ANKS1A: variants seen among roughly 807,000 people sequenced by gnomAD.
ANKS1A encodes the protein ankyrin repeat and SAM domain-containing protein 1A.
In ANKS1A, 55 loss-of-function variants were observed where a neutral mutation model predicts 120.3. The observed-to-expected ratio is 0.46, with a 90% CI of 0.37 to 0.57. The LOEUF is 0.57. Ranked by LOEUF, ANKS1A falls within the 20% of genes least tolerant of loss-of-function variation. ANKS1A has a pLI of 0.00. For missense variants in ANKS1A, 1,123 were observed against 1,480.3 expected (o/e 0.76, Z 3.96); for synonymous variants, 590 against 604.7 (o/e 0.98, Z 0.36).
At chr6:34,917,747 A>G (rs973039610) in intron 1 of ANKS1A, among the ~76,000 whole-genome samples, 3 of 152,206 alleles carry the variant, frequency 2.0e-5, no homozygotes, top group Non-Finnish European at 2.9e-5. Context: ...CCGAAGGCCT[A>G]TGGCCCAGAT....
intron 1 of ANKS1A, among the ~76,000 whole-genome samples, chr6:34,900,298 C>T (rs1389234490): frequency 6.6e-6 from 1 of 152,130 alleles, no homozygotes; most frequent in South Asian, 2.1e-4. Context: ...GAGACTTAAG[C>T]GACCACTTAC....
At chr6:35,039,641 G>A (rs1775356988) in intron 11 of ANKS1A, 1 of 456,626 alleles carries the variant, frequency 2.2e-6, no homozygotes, top group South Asian at 1.5e-5. Flanking sequence ...GTTGAAGTGG[G>A]ACAGCACAGT....
Position 34,982,238 on chromosome 6 carries a change from T to A in ANKS1A, c.732+252T>A, listed in dbSNP as rs1247594624. Among the ~76,000 whole-genome samples, 1 of 152,246 alleles carries A rather than the reference T, an allele frequency of 6.6e-6. No individual in the cohort carries two copies. Among genetic ancestry groups the A allele is most frequent in the Non-Finnish European group, 1.5e-5 (1 of 68,046 alleles). On this transcript the variant is annotated intron_variant, in intron 4 of 23. Coordinates refer to ENST00000360359, the MANE Select transcript of ANKS1A (RefSeq NM_015245.3). This position sits in a 1 kb window ranked among gnomAD's most constrained non-coding sequence, Gnocchi z 4.9. ...ACCCTGAAAAGATGTGCTTATGGAC[T>A]GGCTCTCAAAACCAGAAAAGTTTCA...
intron 13 of ANKS1A, among the ~76,000 whole-genome samples, chr6:35,073,893 C>T (rs995117643): frequency 1.3e-5 from 2 of 152,150 alleles, no homozygotes; most frequent in African/African-American, 4.8e-5. Context: ...TGAGTAGTCA[C>T]CACACAAGCT....
At chr6:35,072,646 A>T (rs1442607939) in intron 13 of ANKS1A, among the ~76,000 whole-genome samples, 1 of 152,172 alleles carries the variant, frequency 6.6e-6, no homozygotes, top group African/African-American at 2.4e-5. Context: ...GCATTTCTGA[A>T]CCCACTCACC....
chr6:34,913,963 G>T (rs1252802380), intron 1 of ANKS1A, among the ~76,000 whole-genome samples: 2 of 151,972 alleles, frequency 1.3e-5, no homozygotes, highest in Non-Finnish European at 2.9e-5. Context: ...TGTTGCCCAG[G>T]CTGGAGTGCA....
At chr6:34,894,641 G>GA (rs1766982395) in intron 1 of ANKS1A, among the ~76,000 whole-genome samples, 1 of 152,018 alleles carries the variant, frequency 6.6e-6, no homozygotes, top group Admixed American at 6.6e-5. Flanking sequence ...GACAGAGCTA[G>GA]ACCACGTCCT....
intron 11 of ANKS1A, among the ~76,000 whole-genome samples, chr6:35,052,860 A>C (rs1776037941): frequency 6.6e-6 from 1 of 152,082 alleles, no homozygotes; most frequent in South Asian, 2.1e-4. Flanking sequence ...ACACACCCTC[A>C]GTTTGCTGCA....
Position 35,050,779 on chromosome 6 carries a change from A to C in ANKS1A, c.2011-3320A>C, listed in dbSNP as rs557400169. ...GTGGGGACCTGCCAATCTCTGCCCA[A>C]ACAGGACCTCTTCGCTGCCATGTCC... On this transcript the variant is annotated intron_variant, in intron 11 of 23. Coordinates refer to ENST00000360359, the MANE Select transcript of ANKS1A (RefSeq NM_015245.3). The surrounding 1 kb of genome is among the most constrained non-coding windows in gnomAD (Gnocchi z 4.3). 6.6e-6 allele frequency among the ~76,000 whole-genome samples: 1 copy of C among 152,246 alleles called. No homozygotes were observed. The highest frequency in any genetic ancestry group is 2.1e-4 in the South Asian group (1 of 4,810).
chr6:35,090,906 G>A lies in ANKS1A; in HGVS notation c.*2297G>A, dbSNP rs1778268942. ...GCTGCTCAGCGCATAAGACCTTCCC[G>A]ACAGGCTCTGCGTGTGCAGCTCTCT... is the stretch of plus-strand genomic sequence containing the variant. On this transcript the variant is annotated 3_prime_UTR_variant, in exon 24 of 24. Transcript: ENST00000360359. The A allele has an allele frequency of 1.0e-6, 1 of 985,622 alleles. No homozygotes were observed. Among genetic ancestry groups the A allele is most frequent in the Non-Finnish European group, 1.2e-6 (1 of 830,062 alleles). 61.1% of individuals were successfully genotyped at this position (985,622 alleles called of 1,614,324 possible). A position where few individuals can be genotyped will look rare whatever the true frequency, so the allele number is the denominator to read the frequency against.
At chr6:34,946,602 G>C (rs76777057) in intron 1 of ANKS1A, among the ~76,000 whole-genome samples, 1 of 147,430 alleles carries the variant, frequency 6.8e-6, no homozygotes, top group Non-Finnish European at 1.5e-5. Context: ...AAAAAAAAAG[G>C]GGGGGTTAAT....
intron 11 of ANKS1A, among the ~76,000 whole-genome samples, chr6:35,032,077 G>A (rs967379639): frequency 2.0e-5 from 3 of 152,176 alleles, no homozygotes; most frequent in Admixed American, 6.5e-5. Context: ...CAGCTTTTGA[G>A]GGACTTAGAC....
the ANKS1A span, among the ~76,000 whole-genome samples, chr6:35,097,876 TA>T: frequency 6.6e-6 from 1 of 152,184 alleles, no homozygotes; most frequent in Non-Finnish European, 1.5e-5. Flanking sequence ...GAAGAGATTT[TA>T]AAAAGCTAAA....
At position 34,946,824 on chromosome 6, in the gene ANKS1A, A is replaced by G. The variant is rs139240146; in HGVS notation, c.198-20415A>G. Among the ~76,000 whole-genome samples the G allele has an allele frequency of 4.8e-3, 724 of 152,290 alleles. 4 individuals carry two copies. Among genetic ancestry groups the G allele is most frequent in the African/African-American group, 0.016 (657 of 41,550 alleles). On this transcript the variant is annotated intron_variant, in intron 1 of 23. Coordinates refer to ENST00000360359, the MANE Select transcript of ANKS1A (RefSeq NM_015245.3). ...CAATACAACTTTTTAGAGTCCATAGACTTTCTAAGGCTTTCATTTTCAACA... is the reference window on the plus strand; with the variant it reads ...CAATACAACTTTTTAGAGTCCATAGGCTTTCTAAGGCTTTCATTTTCAACA...
chr6:34,953,870 G>T (rs1173008274), intron 1 of ANKS1A, among the ~76,000 whole-genome samples: 2 of 152,134 alleles, frequency 1.3e-5, no homozygotes, highest in Non-Finnish European at 2.9e-5. Context: ...AATCAGAATT[G>T]TGGACTCTGG....
In ANKS1A at chr6:35,044,550, G is replaced by C. The variant is rs1168868606; in HGVS notation, c.2011-9549G>C. 1.3e-5 allele frequency among the ~76,000 whole-genome samples: 2 copies of C among 152,156 alleles called. No individual in the cohort carries two copies. The highest frequency in any genetic ancestry group is 4.8e-5 in the African/African-American group (2 of 41,438). Reference sequence around the variant, plus strand: ...CCTCTCCTCACTTTGGTATTGTCTTGGATCCTCCGGTTTGCTTCGCGCCCC... The same window carrying C: ...CCTCTCCTCACTTTGGTATTGTCTTCGATCCTCCGGTTTGCTTCGCGCCCC... On this transcript the variant is annotated intron_variant, in intron 11 of 23. Transcript: ENST00000360359. This position sits in a 1 kb window ranked among gnomAD's most constrained non-coding sequence, Gnocchi z 4.4.
intron 3 of ANKS1A, among the ~76,000 whole-genome samples, chr6:34,974,392 T>G (rs1233669152): frequency 9.3e-6 from 1 of 107,340 alleles, no homozygotes; most frequent in Non-Finnish European, 1.9e-5. Context: ...TCCCTTCCCC[T>G]TCCCCTTCCA....
intron 11 of ANKS1A, among the ~76,000 whole-genome samples, chr6:35,033,025 C>T (rs1048068630): frequency 3.9e-5 from 6 of 152,152 alleles, no homozygotes; most frequent in South Asian, 2.1e-4. Context: ...ATTCACTGCC[C>T]GTTCCTGCCT....
intron 19 of ANKS1A, 31 bp downstream of exon 19, chr6:35,083,257 G>A: frequency 1.2e-6 from 2 of 1,613,628 alleles, no homozygotes; most frequent in Non-Finnish European, 1.7e-6. Flanking sequence ...GGAGGGCGCT[G>A]TGGGACTGGC....
Sources: gnomAD v4.1 joint callset for allele counts (sites outside exome capture counted in the v4.1 genomes callset) on GRCh38, gnomAD v4.1.1 for gene constraint, Gnocchi (gnomAD v3.1) non-coding constraint, MANE v1.5 for transcripts, NCBI Gene and HGNC (gene_info 2026-07-23, HGNC 2026-07-21) for gene names.